The following SH3BGRL2 variants were observed in gnomAD, a reference collection of about 807,000 sequenced individuals.
The protein encoded by SH3BGRL2 is SH3 domain-binding glutamic acid-rich-like protein 2.
A neutral mutation model predicts 14.8 loss-of-function variants in SH3BGRL2; 21 were observed. That is an observed-to-expected ratio of 1.42 (90% CI 1.01 to 2.05). SH3BGRL2 has a LOEUF of 2.05. Among genes scored for constraint, SH3BGRL2 ranks in the 30% most tolerant of loss-of-function variants. The pLI is 0.00. For missense variants in SH3BGRL2, 147 were observed against 130.8 expected, an observed-to-expected ratio of 1.12 and a Z score of -0.61; for synonymous variants, 50 against 47.8, an observed-to-expected ratio of 1.05 and a Z score of -0.19.
chr6:79,571,591 A>G, the SH3BGRL2 span, among the ~76,000 whole-genome samples: 1 of 152,182 alleles, frequency 6.6e-6, no homozygotes, highest in Non-Finnish European at 1.5e-5. Flanking sequence ...ACCACAGCCA[A>G]ATTAATTAAC....
chr6:79,693,020 T>A (rs1770257000), intron 2 of SH3BGRL2, among the ~76,000 whole-genome samples: 1 of 152,134 alleles, frequency 6.6e-6, no homozygotes, highest in South Asian at 2.1e-4. Context: ...GTTTGTATCC[T>A]CCTTTATTTC....
chr6:79,610,731 C>G, the SH3BGRL2 span, among the ~76,000 whole-genome samples: 4 of 152,206 alleles, frequency 2.6e-5, no homozygotes, highest in Non-Finnish European at 5.9e-5. Flanking sequence ...GGCTCCTCCC[C>G]TCTTGCCTCA....
At chr6:79,631,532 G>A in intron 1 of SH3BGRL2, 26 bp downstream of exon 1, 1 of 1,420,516 alleles carries the variant, frequency 7.0e-7, no homozygotes, top group Non-Finnish European at 9.3e-7. Context: ...GCGGGCAGTA[G>A]GTTGGGGTCG....
chr6:79,661,076 A>G (rs1204778811), intron 1 of SH3BGRL2, among the ~76,000 whole-genome samples: 2 of 152,142 alleles, frequency 1.3e-5, no homozygotes, highest in Non-Finnish European at 2.9e-5. Flanking sequence ...CATTTCAAAA[A>G]ACCAGCTCCT....
At chr6:79,575,552 C>T in the SH3BGRL2 span, 2 of 152,076 alleles carry the variant, frequency 1.3e-5, no homozygotes, top group East Asian at 3.9e-4. Context: ...ATGCTTGTGC[C>T]CCTGAGAAAT....
chr6:79,647,525 G>T (rs562054384), intron 1 of SH3BGRL2, among the ~76,000 whole-genome samples: 2 of 152,030 alleles, frequency 1.3e-5, no homozygotes, highest in African/African-American at 2.4e-5. Context: ...TGAGTATATG[G>T]CATGATCCTT....
the SH3BGRL2 span, among the ~76,000 whole-genome samples, chr6:79,584,953 C>G: frequency 6.6e-6 from 1 of 151,356 alleles, no homozygotes; most frequent in African/African-American, 2.4e-5. Context: ...TCTAAAACAC[C>G]CTAAATTGTA....
At chr6:79,540,714 A>G in the SH3BGRL2 span, among the ~76,000 whole-genome samples, 1 of 152,202 alleles carries the variant, frequency 6.6e-6, no homozygotes, top group Non-Finnish European at 1.5e-5. Context: ...GGTCATCGAT[A>G]GAATGAACTA....
chr6:79,699,578 C>T lies in SH3BGRL2; in HGVS notation c.*69C>T. ...CTGGTACTCAGCACACACATGCTTA[C>T]CTAATGCATCACTGTGACAAAAGCC... On this transcript the variant is annotated 3_prime_UTR_variant, in exon 4 of 4. Coordinates refer to ENST00000369838, the MANE Select transcript of SH3BGRL2 (RefSeq NM_031469.4). 7.1e-7 allele frequency: 1 copy of T among 1,402,914 alleles called. No homozygotes were observed. The highest frequency in any genetic ancestry group is 2.0e-4 in the Middle Eastern group (1 of 5,058). 86.9% of individuals were successfully genotyped at this position (1,402,914 alleles called of 1,614,324 possible). A position where few individuals can be genotyped will look rare whatever the true frequency, so the allele number is the denominator to read the frequency against.
At chr6:79,660,871 G>A (rs1353264020) in intron 1 of SH3BGRL2, among the ~76,000 whole-genome samples, 1 of 151,914 alleles carries the variant, frequency 6.6e-6, no homozygotes, top group East Asian at 1.9e-4. Context: ...GTCTTGGGAG[G>A]GTGTATGTGT....
At chr6:79,665,791 C>A (rs1268952545) in intron 1 of SH3BGRL2, among the ~76,000 whole-genome samples, 4 of 152,132 alleles carry the variant, frequency 2.6e-5, no homozygotes, top group African/African-American at 9.7e-5. Flanking sequence ...AACAGTTTTT[C>A]AAAAATTGAC....
the SH3BGRL2 span, among the ~76,000 whole-genome samples, chr6:79,583,745 C>T: frequency 6.6e-6 from 1 of 152,144 alleles, no homozygotes; most frequent in South Asian, 2.1e-4. Flanking sequence ...GAAACCTGCA[C>T]GTTGTGCACC....
upstream of SH3BGRL2, among the ~76,000 whole-genome samples, chr6:79,628,672 G>A (rs557178509): frequency 1.3e-5 from 2 of 152,126 alleles, no homozygotes; most frequent in South Asian, 2.1e-4. Context: ...ACTCCATACC[G>A]GCCTTGCTGT....
the SH3BGRL2 span, among the ~76,000 whole-genome samples, chr6:79,559,417 A>C: frequency 5.9e-5 from 9 of 152,328 alleles, no homozygotes; most frequent in East Asian, 1.7e-3. Flanking sequence ...CATTCCAGCC[A>C]GGCATGGATA....
chr6:79,588,289 TAA>T, the SH3BGRL2 span, among the ~76,000 whole-genome samples: 98 of 124,014 alleles, frequency 7.9e-4, no homozygotes, highest in Non-Finnish European at 1.2e-3. Flanking sequence ...AGACTCTGTC[TAA>T]AAAAAAAAAA....
chr6:79,557,920 G>T, the SH3BGRL2 span, among the ~76,000 whole-genome samples: 1 of 152,142 alleles, frequency 6.6e-6, no homozygotes, highest in Non-Finnish European at 1.5e-5. Flanking sequence ...GTATTTTACA[G>T]TTTATTATTT....
upstream of SH3BGRL2, among the ~76,000 whole-genome samples, chr6:79,626,395 C>G (rs1001872165): frequency 1.3e-5 from 2 of 152,200 alleles, no homozygotes; most frequent in Non-Finnish European, 2.9e-5. Context: ...CCCTTGCTCT[C>G]TCCCTCTACC....
the SH3BGRL2 span, among the ~76,000 whole-genome samples, chr6:79,604,960 C>T: frequency 6.6e-6 from 1 of 152,196 alleles, no homozygotes; most frequent in East Asian, 1.9e-4. Flanking sequence ...AATATGGCTG[C>T]ATCAGTATCT....
the SH3BGRL2 span, among the ~76,000 whole-genome samples, chr6:79,609,036 C>T: frequency 6.6e-6 from 1 of 152,310 alleles, no homozygotes; most frequent in African/African-American, 2.4e-5. Context: ...CATTGCCTCA[C>T]AGCAGAACTG....
Sources: allele counts gnomAD v4.1 joint callset (sites outside exome capture counted in the v4.1 genomes callset), GRCh38; gene constraint gnomAD v4.1.1; transcripts MANE v1.5; gene names NCBI Gene and HGNC (gene_info 2026-07-23, HGNC 2026-07-21).